CLIC6: variants seen among roughly 807,000 people sequenced by gnomAD.
CLIC6 encodes CLIC family member 6.
Under a neutral mutation model 49.2 loss-of-function variants are expected in CLIC6, and 39 were observed. That is an observed-to-expected ratio of 0.79 (90% confidence interval 0.61 to 1.04). The LOEUF (loss-of-function observed/expected upper bound fraction) is 1.04, where lower values mean the gene tolerates loss of function less well. Among genes scored for constraint, CLIC6 ranks in the 50% least tolerant of loss-of-function variants. The probability of loss-of-function intolerance (pLI) is 0.00; values close to 1 mark genes in which losing one functional copy is unlikely to be tolerated. For missense variants in CLIC6, 988 were observed against 993.1 expected, an observed-to-expected ratio of 0.99 and a Z score of 0.07; for synonymous variants, 446 against 433.4, an observed-to-expected ratio of 1.03 and a Z score of -0.36.
rs772153839 is a variant in CLIC6, at chr21:34,716,394, C to T, written c.1973C>T (p.Ala658Val). The T allele has an allele frequency of 1.2e-6, 2 of 1,613,518 alleles. No individual in the cohort carries two copies. Among genetic ancestry groups the T allele is most frequent in the Non-Finnish European group, 1.7e-6 (2 of 1,179,504 alleles). ...GGCATCTGGAGATACTTGAATAATGCTTATGCTAGAGATGAGTTCACAAAT... is the reference window on the plus strand; with the variant it reads ...GGCATCTGGAGATACTTGAATAATGTTTATGCTAGAGATGAGTTCACAAAT... ...MTGIWRYLNN[A>V]YARDEFTNTC... The change falls in exon 6 of 6, where the codon GCT becomes GTT. Residue 658 changes from alanine (A) to valine (V), a missense_variant. This residue lies in a region of CLIC6 where 647 missense variants were observed against 596.9 expected (regional missense o/e 1.08). Coordinates refer to ENST00000349499, the MANE Select transcript of CLIC6 (RefSeq NM_053277.3).
Position 34,716,862 on chromosome 21 carries a change from T to TCTCTCTCTCA in CLIC6, c.*381_*382insTCTCTCTCAC. On this transcript the variant is annotated 3_prime_UTR_variant, in exon 6 of 6. Transcript: ENST00000349499. ...CTCTCTCTCTCTCTCTCTCTCTCTA[T>TCTCTCTCTCA]CACACACACACACACACACACACAC... 1.5e-5 allele frequency: 2 copies of TCTCTCTCTCA among 131,630 alleles called. No individual in the cohort carries two copies. The highest frequency in any genetic ancestry group is 6.4e-5 in the African/African-American group (2 of 31,212). 8.2% of individuals were successfully genotyped at this position (131,630 alleles called of 1,614,324 possible).
intron 1 of CLIC6, among the ~76,000 whole-genome samples, chr21:34,686,875 A>G (rs1989891635): frequency 6.6e-6 from 1 of 152,120 alleles, no homozygotes; most frequent in Non-Finnish European, 1.5e-5. Context: ...GGGCATGTGT[A>G]TGAAACTGTC....
intron 1 of CLIC6, among the ~76,000 whole-genome samples, chr21:34,706,349 C>T (rs1353290929): frequency 2.6e-5 from 4 of 152,214 alleles, no homozygotes; most frequent in Non-Finnish European, 4.4e-5. Context: ...TGGTTCTAAA[C>T]CATTCATGAG....
At chr21:34,696,763 C>T (rs1214402140) in intron 1 of CLIC6, among the ~76,000 whole-genome samples, 1 of 152,100 alleles carries the variant, frequency 6.6e-6, no homozygotes, top group Non-Finnish European at 1.5e-5. Context: ...CCATTTTGCT[C>T]ATCATCACAT....
At chr21:34,682,694 A>C (rs1989799524) in intron 1 of CLIC6, among the ~76,000 whole-genome samples, 1 of 151,908 alleles carries the variant, frequency 6.6e-6, no homozygotes, top group African/African-American at 2.4e-5. Context: ...CACTCTTAGA[A>C]TCTCCAACTT....
At chr21:34,682,237 C>G (rs1477347812) in intron 1 of CLIC6, among the ~76,000 whole-genome samples, 1 of 152,112 alleles carries the variant, frequency 6.6e-6, no homozygotes, top group Non-Finnish European at 1.5e-5. Flanking sequence ...ACCAAATTTC[C>G]TCTTCAAAGA....
intron 1 of CLIC6, among the ~76,000 whole-genome samples, chr21:34,681,756 T>C (rs6517250): frequency 0.016 from 2,394 of 152,300 alleles, 69 homozygotes; most frequent in African/African-American, 0.055. Context: ...TCTCAGAAGT[T>C]ACATGCTGTA....
Position 34,708,010 on chromosome 21 carries a change from A to G in CLIC6, c.1551A>G (p.Glu517=). 1.2e-6 allele frequency: 2 copies of G among 1,614,162 alleles called. No homozygotes were observed. The highest frequency in any genetic ancestry group is 1.7e-6 in the Non-Finnish European group (2 of 1,180,000). The change falls in exon 3 of 6, where the codon GAA becomes GAG. Residue 517 remains glutamate, a synonymous_variant. Transcript: ENST00000349499. The part of the protein sequence containing the change: ...TNPPFMTFDG[E]VKTDVNKIEE... ...CTCCTTTCATGACTTTTGATGGTGAAGTCAAGACGGATGTGAATAAGATCG... is the reference window on the plus strand; with the variant it reads ...CTCCTTTCATGACTTTTGATGGTGAGGTCAAGACGGATGTGAATAAGATCG...
At chr21:34,699,605 T>C (rs575761090) in intron 1 of CLIC6, among the ~76,000 whole-genome samples, 2 of 152,040 alleles carry the variant, frequency 1.3e-5, no homozygotes, top group Non-Finnish European at 2.9e-5. Flanking sequence ...TTGTTGCTTT[T>C]TGGAGGATAT....
chr21:34,701,383 T>C (rs1335627805), intron 1 of CLIC6, among the ~76,000 whole-genome samples: 2 of 151,504 alleles, frequency 1.3e-5, no homozygotes, highest in Non-Finnish European at 2.9e-5. Context: ...ATCTCACTAA[T>C]TGAGGCTCGT....
chr21:34,669,255 C>G lies in CLIC6; in HGVS notation c.-134C>G. ...CAAGGCCCCAGTGCCCCGGCTAAAC[C>G]TTTGCCGCAGGATCCCGGAGCCGGC... On this transcript the variant is annotated 5_prime_UTR_variant, in exon 1 of 6. Transcript: ENST00000349499. 1.3e-6 allele frequency: 1 copy of G among 741,270 alleles called. No homozygotes were observed. The highest frequency in any genetic ancestry group is 4.3e-5 in the Admixed American group (1 of 23,088). 45.9% of individuals were successfully genotyped at this position (741,270 alleles called of 1,614,324 possible). A position where few individuals can be genotyped will look rare whatever the true frequency, so the allele number is the denominator to read the frequency against.
At chr21:34,710,807 C>T (rs573587323) in intron 5 of CLIC6, among the ~76,000 whole-genome samples, 5 of 151,848 alleles carry the variant, frequency 3.3e-5, no homozygotes, top group East Asian at 1.9e-4. Context: ...AGCAAGACTC[C>T]GTCTCAGAAA....
intron 1 of CLIC6, among the ~76,000 whole-genome samples, chr21:34,671,362 A>C (rs918463420): frequency 6.6e-6 from 1 of 152,182 alleles, no homozygotes; most frequent in African/African-American, 2.4e-5. Context: ...GGGGGAATGG[A>C]GCCTTATTGA....
chr21:34,703,785 C>T (rs865782305), intron 1 of CLIC6, among the ~76,000 whole-genome samples: 17 of 152,062 alleles, frequency 1.1e-4, no homozygotes, highest in African/African-American at 4.1e-4. Flanking sequence ...GCAGAATCCC[C>T]AGGTTCTCAG....
chr21:34,706,908 A>C (rs1312074189), intron 1 of CLIC6, among the ~76,000 whole-genome samples: 1 of 152,192 alleles, frequency 6.6e-6, no homozygotes, highest in Non-Finnish European at 1.5e-5. Context: ...CGAGAGATAG[A>C]GGGAAGGAAA....
chr21:34,709,538 G>A lies in CLIC6; in HGVS notation c.1899G>A (p.Lys633=), dbSNP rs766259690. The A allele has an allele frequency of 1.2e-6, 2 of 1,613,574 alleles. No individual in the cohort carries two copies. Among genetic ancestry groups the A allele is most frequent in the South Asian group, 1.1e-5 (1 of 91,046 alleles). The change falls in exon 5 of 6, where the codon AAG becomes AAA. Residue 633 remains lysine, a splice_region_variant and synonymous_variant. Coordinates refer to ENST00000349499, the MANE Select transcript of CLIC6 (RefSeq NM_053277.3). ...CNLLPKLHII[K]IVAKKYRDFE... The stretch of plus-strand genomic sequence containing the variant: ...TCTTACCCAAGCTCCATATTATTAA[G>A]GTTCATCTTCCCTCCCGACACGTGT...
chr21:34,695,988 T>G (rs1344244737), intron 1 of CLIC6, among the ~76,000 whole-genome samples: 1 of 152,226 alleles, frequency 6.6e-6, no homozygotes, highest in Non-Finnish European at 1.5e-5. Flanking sequence ...GGTTTCTGCA[T>G]GTGGATGTCT....
chr21:34,695,388 C>A lies in CLIC6; in HGVS notation c.1375-11892C>A, dbSNP rs377433347. 1.2e-4 allele frequency among the ~76,000 whole-genome samples: 19 copies of A among 152,348 alleles called. No homozygotes were observed. In the South Asian group the frequency reaches 3.3e-3, roughly 27 times the overall value. ...AATCTCCCCATGTCAAAATCCATAACCTTGATATCATTTGCAAAGTCATTT... is the reference window on the plus strand; with the variant it reads ...AATCTCCCCATGTCAAAATCCATAAACTTGATATCATTTGCAAAGTCATTT... On this transcript the variant is annotated intron_variant, in intron 1 of 5. Coordinates refer to ENST00000349499, the MANE Select transcript of CLIC6 (RefSeq NM_053277.3).
intron 1 of CLIC6, among the ~76,000 whole-genome samples, chr21:34,687,760 G>A (rs531684735): frequency 3.6e-4 from 55 of 152,140 alleles, no homozygotes; most frequent in Non-Finnish European, 7.4e-4. Flanking sequence ...AGGATTAGTA[G>A]TTTTTTTTAA....
Sources: gnomAD v4.1 joint callset for allele counts (sites outside exome capture counted in the v4.1 genomes callset) on GRCh38, gnomAD v4.1.1 for gene constraint, gnomAD v4.1.1 regional missense constraint, MANE v1.5 for transcripts, NCBI Gene and HGNC (gene_info 2026-07-23, HGNC 2026-07-21) for gene names.